Variants in ZFYVE26 observed in about 807,000 individuals in gnomAD.
ZFYVE26 encodes the protein zinc finger FYVE domain-containing protein 26.
A neutral mutation model predicts 276.5 loss-of-function variants in ZFYVE26; 181 were observed. The observed-to-expected ratio is 0.65, with a 90% confidence interval of 0.58 to 0.74. The LOEUF (loss-of-function observed/expected upper bound fraction) is 0.74, where lower values mean the gene tolerates loss of function less well. Among genes scored for constraint, ZFYVE26 ranks in the 30% least tolerant of loss-of-function variants. The pLI, the probability that ZFYVE26 is intolerant of heterozygous loss-of-function variation, is 0.00. For missense variants in ZFYVE26, 2,821 were observed against 3,097.9 expected (o/e 0.91, Z 2.12); for synonymous variants, 1,129 against 1,203.1 (o/e 0.94, Z 1.27).
chr14:67,760,892 A>C, intron 35 of ZFYVE26: 1 of 265,872 alleles, frequency 3.8e-6, no homozygotes, highest in South Asian at 6.9e-5. Flanking sequence ...TTCATCATCT[A>C]TTTGGGGTTC....
intron 13 of ZFYVE26, among the ~76,000 whole-genome samples, chr14:67,730,344 G>C (rs1035369125): frequency 6.6e-6 from 1 of 152,136 alleles, no homozygotes; most frequent in East Asian, 1.9e-4. Context: ...AATATGGCTA[G>C]TCCAGATTGA....
chr14:67,753,678 C>T, intron 39 of ZFYVE26, 29 bp downstream of exon 39: 3 of 1,609,052 alleles, frequency 1.9e-6, no homozygotes. Context: ...TGATTGTCCT[C>T]AGTATGATTT....
Position 67,806,529 on chromosome 14 carries a change from A to G in ZFYVE26, c.1017+16T>C. ...TCCCTGGGTACCTCTGTGATGAACA[A>G]TTAAGCTTGACTTACCAGAATCTGC... On this transcript the variant is annotated intron_variant, in intron 6 of 41. Transcript: ENST00000347230. The G allele has an allele frequency of 1.2e-6, 2 of 1,614,122 alleles. No homozygotes were observed. The highest frequency in any genetic ancestry group is 8.5e-7 in the Non-Finnish European group (1 of 1,179,956).
intron 41 of ZFYVE26, 81 bp from the exon 42 acceptor site, chr14:67,748,720 G>C (rs1053060472): frequency 6.8e-7 from 1 of 1,478,302 alleles, no homozygotes; most frequent in African/African-American, 1.4e-5. Flanking sequence ...AGAAAGCTCG[G>C]GCAGACAGAC....
chr14:67,790,474 C>T, intron 15 of ZFYVE26, 98 bp downstream of exon 15: 2 of 1,315,988 alleles, frequency 1.5e-6, no homozygotes. Context: ...TTAATTTCTG[C>T]TCACCCTCAT....
At position 67,798,343 on chromosome 14, in the gene ZFYVE26, G is replaced by A; in HGVS notation, c.1919C>T (p.Thr640Ile). Reference sequence around the variant, plus strand: ...ATGGCTTGGCATTGTATAAGCAAGGGTCTTTGGGACTCCCAGGGAACCCCG... The same window carrying A: ...ATGGCTTGGCATTGTATAAGCAAGGATCTTTGGGACTCCCAGGGAACCCCG... The part of the protein sequence containing the change: ...SERGSLGVPK[T>I]LAYTMPSHVK... The change falls in exon 11 of 42, where the codon ACC (threonine) becomes ATC (isoleucine). Residue 640 changes from threonine to isoleucine, a missense_variant. By Grantham distance (89) the Thr-to-Ile change is moderately conservative (BLOSUM62 -1). Coordinates refer to ENST00000347230, the MANE Select transcript of ZFYVE26 (RefSeq NM_015346.4). 1 of 1,611,434 alleles carries A rather than the reference G, an allele frequency of 6.2e-7. No individual in the cohort carries two copies.
rs150131586 is a variant in ZFYVE26 at position 67,748,450 on chromosome 14, C to T, written c.7606G>A (p.Gly2536Ser). 16 of 1,612,216 alleles carry T rather than the reference C, an allele frequency of 9.9e-6. No homozygotes were observed. In the African/African-American group the frequency reaches 2.0e-4, roughly 20 times the overall value. Reference sequence around the variant, plus strand: ...ACTGCCCAAGGTCACTTCCTGGAGCCTGGGCCATGGGCACCCCGGGGGTGG... The same window carrying T: ...ACTGCCCAAGGTCACTTCCTGGAGCTTGGGCCATGGGCACCCCGGGGGTGG... ...TSHPRGAHGP[G>S]SRK The change falls in exon 42 of 42, where the codon GGC (glycine) becomes AGC (serine). Residue 2536 changes from glycine to serine, a missense_variant. By Grantham distance (56) the Gly-to-Ser change is moderately conservative. Coordinates refer to ENST00000347230, the MANE Select transcript of ZFYVE26 (RefSeq NM_015346.4).
chr14:67,802,328 C>A, intron 9 of ZFYVE26, 46 bp from the exon 10 acceptor site: 1 of 1,597,364 alleles, frequency 6.3e-7, no homozygotes, highest in Non-Finnish European at 8.6e-7. Flanking sequence ...TTAATTAATT[C>A]AGGATGCAAG....
intron 23 of ZFYVE26, among the ~76,000 whole-genome samples, chr14:67,779,220 CAAT>C (rs145405650): frequency 0.035 from 5,340 of 152,192 alleles, 218 homozygotes; most frequent in African/African-American, 0.1. Flanking sequence ...ATTAAAACAA[CAAT>C]GAGATACCAT....
In ZFYVE26 at chr14:67,775,173, A is replaced by G. The variant is rs2039310064; in HGVS notation, c.5222-59T>C. ...TCTACCATAAGTATCTTGATTCACC[A>G]CCCTAGGCATTTAGAACAAAGCTCT... On this transcript the variant is annotated intron_variant, in intron 26 of 41. Coordinates refer to ENST00000347230, the MANE Select transcript of ZFYVE26 (RefSeq NM_015346.4). 3 of 1,191,216 alleles carry G rather than the reference A, an allele frequency of 2.5e-6. No homozygotes were observed. In the East Asian group the frequency reaches 7.3e-5, roughly 29 times the overall value. 73.8% of individuals were successfully genotyped at this position (1,191,216 alleles called of 1,614,324 possible). A position where few individuals can be genotyped will look rare whatever the true frequency, so the allele number is the denominator to read the frequency against.
Position 67,781,549 on chromosome 14 carries a change from C to T in ZFYVE26, c.4373-20G>A. 2 of 1,613,000 alleles carry T rather than the reference C, an allele frequency of 1.2e-6. No individual in the cohort carries two copies. The highest frequency in any genetic ancestry group is 1.3e-5 in the African/African-American group (1 of 75,020). ...CTTTGTCTATAAGACAAAAAAGATG[C>T]TCAGAGGCAGCAAGCGTGGGACCAG... On this transcript the variant is annotated intron_variant, in intron 21 of 41. Coordinates refer to ENST00000347230, the MANE Select transcript of ZFYVE26 (RefSeq NM_015346.4).
At chr14:67,738,218 A>T (rs2038373783) in intron 13 of ZFYVE26, among the ~76,000 whole-genome samples, 1 of 151,864 alleles carries the variant, frequency 6.6e-6, no homozygotes, top group South Asian at 2.1e-4. Context: ...TATGTATGTA[A>T]AGAGGAGGCA....
chr14:67,815,589 C>T, intron 2 of ZFYVE26, 181 bp downstream of exon 2: 1 of 666,220 alleles, frequency 1.5e-6, no homozygotes, highest in Non-Finnish European at 2.7e-6. Flanking sequence ...TAATCAAAAG[C>T]CAATATTGAC....
At chr14:67,789,137 A>C (rs2039741248) in intron 16 of ZFYVE26, among the ~76,000 whole-genome samples, 198 bp downstream of exon 16, 1 of 152,210 alleles carries the variant, frequency 6.6e-6, no homozygotes, top group African/African-American at 2.4e-5. Flanking sequence ...TTCAATAAAG[A>C]ATTTCCCCAA....
chr14:67,794,400 T>C (rs2039900829), intron 12 of ZFYVE26, among the ~76,000 whole-genome samples, 161 bp from the exon 13 acceptor site: 2 of 152,190 alleles, frequency 1.3e-5, no homozygotes, highest in Non-Finnish European at 2.9e-5. Flanking sequence ...CAAGCTCCTA[T>C]AGACCAAAGG....
chr14:67,800,426 CAA>C (rs1033365213), intron 10 of ZFYVE26, among the ~76,000 whole-genome samples: 1 of 152,064 alleles, frequency 6.6e-6, no homozygotes. Flanking sequence ...TACATCAAAA[CAA>C]AGAGTGAAAT....
At chr14:67,778,505 A>G (rs2039412455) in intron 23 of ZFYVE26, among the ~76,000 whole-genome samples, 1 of 152,234 alleles carries the variant, frequency 6.6e-6, no homozygotes, top group African/African-American at 2.4e-5. Flanking sequence ...GACTGAAAAG[A>G]CTGTTTAAAG....
At chr14:67,773,571 A>ACACACACACACACC (rs752443262) in intron 27 of ZFYVE26, among the ~76,000 whole-genome samples, 11 of 146,650 alleles carry the variant, frequency 7.5e-5, no homozygotes, top group African/African-American at 2.7e-4. Flanking sequence ...ACACACACAC[A>ACACACACACACACC]CCCCAAAGCT....
intron 13 of ZFYVE26, among the ~76,000 whole-genome samples, chr14:67,738,742 TTC>T (rs1160819998): frequency 6.6e-6 from 1 of 152,162 alleles, no homozygotes; most frequent in Non-Finnish European, 1.5e-5. Flanking sequence ...AAGCAGAATA[TTC>T]TTATATCTTA....
Sources: allele counts gnomAD v4.1 joint callset (sites outside exome capture counted in the v4.1 genomes callset), GRCh38; gene constraint gnomAD v4.1.1; transcripts MANE v1.5; gene names NCBI Gene and HGNC (gene_info 2026-07-23, HGNC 2026-07-21).